The following AGBL4 variants were observed in gnomAD, a reference collection of about 807,000 sequenced individuals.
The protein encoded by AGBL4 is AGBL carboxypeptidase 4, also known as cytosolic carboxypeptidase 6.
In AGBL4, 58 loss-of-function variants were observed where a neutral mutation model predicts 66.4. The ratio of observed to expected loss-of-function variants is 0.87; its 90% CI spans 0.71 to 1.09. The LOEUF (loss-of-function observed/expected upper bound fraction) is 1.09. AGBL4 is among the 50% of genes least tolerant of loss of function. The pLI, the probability that AGBL4 is intolerant of heterozygous loss-of-function variation, is 0.00. For missense variants in AGBL4, 579 were observed against 631.0 expected (o/e 0.92, Z 0.88); for synonymous variants, 234 against 222.9 (o/e 1.05, Z -0.44).
intron 5 of AGBL4, among the ~76,000 whole-genome samples, chr1:48,943,763 T>C (rs1421258832): frequency 6.6e-6 from 1 of 151,680 alleles, no homozygotes; most frequent in Admixed American, 6.6e-5. Context: ...GGTTGTTTGT[T>C]GTTGTTGTTG....
intron 3 of AGBL4, among the ~76,000 whole-genome samples, chr1:49,588,774 T>C (rs1644698449): frequency 6.6e-6 from 1 of 152,188 alleles, no homozygotes; most frequent in African/African-American, 2.4e-5. Flanking sequence ...ATTTGTTTCC[T>C]CAAGGAGCTC....
chr1:48,616,741 T>TCCCAAAGA (rs1645325200), intron 9 of AGBL4, among the ~76,000 whole-genome samples: 7 of 152,246 alleles, frequency 4.6e-5, no homozygotes. Flanking sequence ...ACCCAAAGCT[T>TCCCAAAGA]CAGAATCCTT....
chr1:50,019,304 T>TCACACACACACACACA (rs796097397), intron 1 of AGBL4, among the ~76,000 whole-genome samples: 2 of 46,820 alleles, frequency 4.3e-5, no homozygotes, highest in Non-Finnish European at 1.0e-4. Flanking sequence ...TCTCTCTCTC[T>TCACACACACACACACA]CTCACACACA....
At chr1:49,729,628 G>T (rs1050285877) in intron 2 of AGBL4, among the ~76,000 whole-genome samples, 1 of 152,066 alleles carries the variant, frequency 6.6e-6, no homozygotes, top group Non-Finnish European at 1.5e-5. Flanking sequence ...AGGGAAGGTG[G>T]ACATACGGAA....
intron 3 of AGBL4, among the ~76,000 whole-genome samples, chr1:49,680,064 T>G (rs1488654521): frequency 1.4e-5 from 2 of 148,138 alleles, no homozygotes; most frequent in Non-Finnish European, 3.0e-5. Context: ...TTTTTTTTTT[T>G]TTTTTGAGAT....
Position 49,845,803 on chromosome 1 carries a change from G to A in AGBL4, c.157+5593C>T. 3 of 1,548,990 alleles carry A rather than the reference G, an allele frequency of 1.9e-6. No homozygotes were observed. In the South Asian group the frequency reaches 3.4e-5, roughly 17 times the overall value. On this transcript the variant is annotated intron_variant, in intron 2 of 13. Transcript: ENST00000371839. ...CCACGGCTCCTCACTTAGCCAGCAG[G>A]AGCGGATGCACACAGGAGAGAAGCC...
intron 2 of AGBL4, among the ~76,000 whole-genome samples, chr1:49,814,181 A>G (rs1412158551): frequency 6.6e-6 from 1 of 152,150 alleles, no homozygotes; most frequent in Non-Finnish European, 1.5e-5. Context: ...TTAATTGTGT[A>G]GCCAGCAAAG....
intron 6 of AGBL4, among the ~76,000 whole-genome samples, chr1:48,813,713 G>C (rs940600515): frequency 2.0e-5 from 3 of 152,116 alleles, no homozygotes; most frequent in African/African-American, 4.8e-5. Context: ...TTGAAGCCTT[G>C]GTGGAAAGTA....
At chr1:48,575,342 C>A (rs1644635288) in intron 11 of AGBL4, among the ~76,000 whole-genome samples, 1 of 152,204 alleles carries the variant, frequency 6.6e-6, no homozygotes, top group Non-Finnish European at 1.5e-5. Context: ...CTCCCAGGAA[C>A]ACATCCTTTT....
At chr1:49,888,918 C>T (rs1212512799) in intron 1 of AGBL4, among the ~76,000 whole-genome samples, 4 of 152,086 alleles carry the variant, frequency 2.6e-5, no homozygotes, top group Admixed American at 1.3e-4. Context: ...TCAGCTAGTA[C>T]AAAATAACAA....
At chr1:49,191,194 C>A (rs989691331) in intron 4 of AGBL4, among the ~76,000 whole-genome samples, 2 of 152,194 alleles carry the variant, frequency 1.3e-5, no homozygotes, top group Non-Finnish European at 1.5e-5. Flanking sequence ...AAGGGAAGGA[C>A]GAAGTCTCCA....
chr1:49,126,018 G>T (rs1479277429), intron 4 of AGBL4, among the ~76,000 whole-genome samples: 1 of 152,152 alleles, frequency 6.6e-6, no homozygotes, highest in African/African-American at 2.4e-5. Context: ...AACAGTGCTA[G>T]CTGACAAAAA....
At chr1:48,748,943 C>T (rs1403420859) in intron 6 of AGBL4, among the ~76,000 whole-genome samples, 1 of 152,012 alleles carries the variant, frequency 6.6e-6, no homozygotes, top group Non-Finnish European at 1.5e-5. Flanking sequence ...AGGTGAGATC[C>T]CAGCAGCTGA....
At chr1:48,759,252 C>T (rs557411763) in intron 6 of AGBL4, 20 of 1,574,998 alleles carry the variant, frequency 1.3e-5, no homozygotes, top group South Asian at 6.9e-5. Flanking sequence ...TGCTCTTGTG[C>T]GCCACTTCGC....
chr1:48,545,438 A>G (rs548790440), intron 11 of AGBL4, among the ~76,000 whole-genome samples: 1 of 152,292 alleles, frequency 6.6e-6, no homozygotes, highest in Admixed American at 6.5e-5. Flanking sequence ...GGAGGAGAGG[A>G]GGGATTGATT....
At chr1:49,861,460 TGGTCA>T (rs1646570997) in intron 1 of AGBL4, among the ~76,000 whole-genome samples, 3 of 152,212 alleles carry the variant, frequency 2.0e-5, no homozygotes, top group South Asian at 4.2e-4. Flanking sequence ...GATAGGGCAC[TGGTCA>T]GAGTAATGAG....
At chr1:49,289,327 T>C (rs1437271852) in intron 3 of AGBL4, among the ~76,000 whole-genome samples, 1 of 152,048 alleles carries the variant, frequency 6.6e-6, no homozygotes, top group Non-Finnish European at 1.5e-5. Context: ...GTAATGAAAA[T>C]AAATGAATTA....
At chr1:49,282,709 G>T (rs1250545693) in intron 3 of AGBL4, among the ~76,000 whole-genome samples, 1 of 152,212 alleles carries the variant, frequency 6.6e-6, no homozygotes, top group Non-Finnish European at 1.5e-5. Flanking sequence ...CCTCACTTGG[G>T]AAGCGCAAGG....
intron 3 of AGBL4, among the ~76,000 whole-genome samples, chr1:49,264,591 G>T (rs1653545228): frequency 6.6e-6 from 1 of 151,916 alleles, no homozygotes; most frequent in Non-Finnish European, 1.5e-5. Context: ...TGTCACCCAG[G>T]CTGGAGTGCA....
Sources: gnomAD v4.1 joint callset for allele counts (sites outside exome capture counted in the v4.1 genomes callset) on GRCh38, gnomAD v4.1.1 for gene constraint, MANE v1.5 for transcripts, NCBI Gene and HGNC (gene_info 2026-07-23, HGNC 2026-07-21) for gene names.